EXTL3: variants seen among roughly 807,000 people sequenced by gnomAD.
EXTL3 encodes the protein exostosin like glycosyltransferase 3.
In EXTL3, 27 loss-of-function variants were observed where a neutral mutation model predicts 69.3. The ratio of observed to expected loss-of-function variants is 0.39; its 90% CI spans 0.29 to 0.54. EXTL3 has a LOEUF of 0.54. EXTL3 is among the 20% of genes least tolerant of loss of function. The pLI, the probability that EXTL3 is intolerant of heterozygous loss-of-function variation, is 0.69. For synonymous variants in EXTL3, 511 were observed against 499.4 expected, an observed-to-expected ratio of 1.02 and a Z score of -0.31; for missense variants, 1,003 against 1,231.8, an observed-to-expected ratio of 0.81 and a Z score of 2.78.
At chr8:28,612,548 C>T (rs149983592) in intron 2 of EXTL3, among the ~76,000 whole-genome samples, 14 of 151,990 alleles carry the variant, frequency 9.2e-5, no homozygotes, top group African/African-American at 3.4e-4. Flanking sequence ...GTATGCTTGA[C>T]CAATAATTTA....
intron 5 of EXTL3, among the ~76,000 whole-genome samples, chr8:28,738,645 T>C (rs1585293068): frequency 6.6e-6 from 1 of 152,206 alleles, no homozygotes; most frequent in Admixed American, 6.5e-5. Context: ...AGAGCACCTC[T>C]TCTGTGCCCT....
intron 1 of EXTL3, among the ~76,000 whole-genome samples, chr8:28,639,764 T>G (rs992378605): frequency 2.0e-5 from 3 of 152,226 alleles, no homozygotes; most frequent in African/African-American, 7.2e-5. Flanking sequence ...GTTAGAACAT[T>G]CTACTTTTTC....
chr8:28,737,651 C>T lies in EXTL3; in HGVS notation c.2409C>T (p.Ala803=), dbSNP rs532555915. 1.9e-6 allele frequency: 3 copies of T among 1,614,046 alleles called. No individual in the cohort carries two copies. In the African/African-American group the frequency reaches 4.0e-5, roughly 22 times the overall value. Residue 803 remains alanine (A), a synonymous_variant, in exon 5 of 7, where the codon GCC becomes GCT. Coordinates refer to ENST00000220562, the MANE Select transcript of EXTL3 (RefSeq NM_001440.4). ...CELSMVLTGA[A]FFHKYYAYLY... ...TGTCCATGGTGCTGACAGGTGCTGCCTTCTTTCACAAGGTAAGAAAAAGCT... is the reference window on the plus strand; with the variant it reads ...TGTCCATGGTGCTGACAGGTGCTGCTTTCTTTCACAAGGTAAGAAAAAGCT...
chr8:28,754,419 G>A lies in EXTL3; in HGVS notation c.*3553G>A, dbSNP rs1215057848. ...TAAGAATGGGTGAGACTTAACAGTC[G>A]GTGTCCCTCCTCAAGTGGGGTTCAC... On this transcript the variant is annotated 3_prime_UTR_variant, in exon 7 of 7. Coordinates refer to ENST00000220562, the MANE Select transcript of EXTL3 (RefSeq NM_001440.4). 2 of 151,752 alleles carry A rather than the reference G, an allele frequency of 1.3e-5. No individual in the cohort carries two copies. Among genetic ancestry groups the A allele is most frequent in the African/African-American group, 4.8e-5 (2 of 41,422 alleles). The allele number at this position is 151,752 out of a possible 1,614,324, so 9.4% of individuals were successfully genotyped here.
intron 1 of EXTL3, among the ~76,000 whole-genome samples, chr8:28,666,387 C>T (rs1807197090): frequency 6.6e-6 from 1 of 151,818 alleles, no homozygotes. Context: ...AAGTGATCCT[C>T]CTGCCTCAGC....
At chr8:28,701,178 G>T (rs988211191), upstream of EXTL3, 1 of 152,198 alleles carries the variant, frequency 6.6e-6, no homozygotes, top group African/African-American at 2.4e-5. Flanking sequence ...GGAAGCGGCG[G>T]TGGCTCGGGA....
At chr8:28,690,724 C>G (rs1036045083) in intron 1 of EXTL3, among the ~76,000 whole-genome samples, 1 of 152,176 alleles carries the variant, frequency 6.6e-6, no homozygotes, top group African/African-American at 2.4e-5. Context: ...AGTGTTGTCA[C>G]AACATGGCAG....
intron 2 of EXTL3, among the ~76,000 whole-genome samples, chr8:28,612,076 A>G (rs1806278721): frequency 6.6e-6 from 1 of 152,168 alleles, no homozygotes; most frequent in African/African-American, 2.4e-5. Context: ...TTCAAAATCT[A>G]TCTTCAGTGC....
At chr8:28,619,845 C>CTTTTT (rs56276866), upstream of EXTL3, among the ~76,000 whole-genome samples, 2 of 50,854 alleles carry the variant, frequency 3.9e-5, no homozygotes, top group Admixed American at 3.2e-4. Flanking sequence ...GCTTCTGGTT[C>CTTTTT]TTTTTTTTTT....
At chr8:28,635,907 G>A (rs1024998813) in intron 1 of EXTL3, among the ~76,000 whole-genome samples, 2 of 152,160 alleles carry the variant, frequency 1.3e-5, no homozygotes, top group African/African-American at 4.8e-5. Flanking sequence ...TTTTAATAGA[G>A]ATGGGGTTTG....
At position 28,674,563 on chromosome 8, in the gene EXTL3, G is replaced by A. The variant is rs746396370; in HGVS notation, c.-52-38894G>A. The stretch of plus-strand genomic sequence containing the variant: ...ACCTTTATTTACTGTACAGAAGGGC[G>A]GAAATTGCTGAAAGTCAAATGCAGA... On this transcript the variant is annotated intron_variant, in intron 1 of 6. Coordinates refer to the EXTL3 transcript ENST00000523149. Among the ~76,000 whole-genome samples, 17 of 152,150 alleles carry A rather than the reference G, an allele frequency of 1.1e-4. 1 individual carries two copies. The highest frequency in any genetic ancestry group is 4.1e-4 in the South Asian group (2 of 4,832).
intron 1 of EXTL3, among the ~76,000 whole-genome samples, chr8:28,635,136 G>A (rs562254807): frequency 4.6e-4 from 70 of 152,208 alleles, no homozygotes; most frequent in Non-Finnish European, 4.7e-4. Flanking sequence ...AATAAAAGAT[G>A]ATGTTGATGA....
chr8:28,718,701 G>A (rs1395553800), intron 3 of EXTL3, among the ~76,000 whole-genome samples: 1 of 152,146 alleles, frequency 6.6e-6, no homozygotes, highest in Non-Finnish European at 1.5e-5. Context: ...TTCCAGAAGC[G>A]GCAGCTTTAG....
At chr8:28,680,300 G>A (rs1006841604) in intron 1 of EXTL3, among the ~76,000 whole-genome samples, 1 of 147,588 alleles carries the variant, frequency 6.8e-6, no homozygotes, top group Non-Finnish European at 1.5e-5. Context: ...TGAGGCAGGA[G>A]AATCACTTGA....
intron 1 of EXTL3, among the ~76,000 whole-genome samples, chr8:28,680,703 C>T (rs1365123331): frequency 6.6e-6 from 1 of 152,164 alleles, no homozygotes; most frequent in Non-Finnish European, 1.5e-5. Context: ...TACCCTTTGA[C>T]TAACATCTCC....
At chr8:28,670,883 G>A (rs1807275021) in intron 1 of EXTL3, among the ~76,000 whole-genome samples, 1 of 152,018 alleles carries the variant, frequency 6.6e-6, no homozygotes. Flanking sequence ...TGGTATTTGG[G>A]TAGTCCCTTC....
intron 2 of EXTL3, among the ~76,000 whole-genome samples, chr8:28,714,978 A>T (rs911925232): frequency 6.6e-6 from 1 of 152,264 alleles, no homozygotes; most frequent in African/African-American, 2.4e-5. Flanking sequence ...ATATTTTAAG[A>T]AAGAGCACAT....
At chr8:28,732,386 A>G (rs7018427) in intron 4 of EXTL3, among the ~76,000 whole-genome samples, 152,306 of 152,314 alleles carry the variant, frequency 1, 76,149 homozygotes, top group Middle Eastern at 1. Flanking sequence ...TCTTTTTTTT[A>G]CAACATTTCT....
At chr8:28,713,117 A>G (rs1399972575) in intron 1 of EXTL3, among the ~76,000 whole-genome samples, 1 of 152,216 alleles carries the variant, frequency 6.6e-6, no homozygotes, top group Non-Finnish European at 1.5e-5. Context: ...ATCTGTAAAT[A>G]TCTCAGTATA....
Sources: gnomAD v4.1 joint callset for allele counts (sites outside exome capture counted in the v4.1 genomes callset) on GRCh38, gnomAD v4.1.1 for gene constraint, MANE v1.5 for transcripts, NCBI Gene and HGNC (gene_info 2026-07-23, HGNC 2026-07-21) for gene names.